Variants in CFAP43 observed in about 807,000 individuals in gnomAD.
CFAP43 encodes cilia and flagella associated protein 43, also known as cilia- and flagella-associated protein 43.
Under a neutral mutation model 218.9 loss-of-function variants are expected in CFAP43, and 155 were observed. The observed-to-expected ratio is 0.71, with a 90% confidence interval of 0.62 to 0.81. The LOEUF is 0.81. Among genes scored for constraint, CFAP43 ranks in the 30% least tolerant of loss-of-function variants. The pLI, the probability that CFAP43 is intolerant of heterozygous loss-of-function variation, is 0.00. For synonymous variants in CFAP43, 645 were observed against 681.3 expected, an observed-to-expected ratio of 0.95 and a Z score of 0.83; for missense variants, 1,778 against 1,954.3, an observed-to-expected ratio of 0.91 and a Z score of 1.70.
chr10:104,221,368 A>G (rs977025538), intron 3 of CFAP43, among the ~76,000 whole-genome samples: 3 of 152,110 alleles, frequency 2.0e-5, no homozygotes, highest in Admixed American at 6.6e-5. Context: ...CCTAACCCCA[A>G]TGGTGATGGT....
chr10:104,145,455 A>G (rs1461986349), intron 31 of CFAP43, 21 bp downstream of exon 31: 2 of 1,546,744 alleles, frequency 1.3e-6, no homozygotes, highest in Non-Finnish European at 8.9e-7. Flanking sequence ...TCAGAAACAC[A>G]ATAGTGAAGG....
In CFAP43 at chr10:104,225,488, G is replaced by A. The variant is rs1339816448; in HGVS notation, c.389C>T (p.Ser130Phe). The A allele has an allele frequency of 6.2e-7, 1 of 1,612,694 alleles. No homozygotes were observed. The highest frequency in any genetic ancestry group is 2.2e-5 in the East Asian group (1 of 44,776). ...AAGGGCCAGTTCAAATTCTGGGAGAGAGGAGTAACTAGCCAGGTAGGTGCC... is the reference window on the plus strand; with the variant it reads ...AAGGGCCAGTTCAAATTCTGGGAGAAAGGAGTAACTAGCCAGGTAGGTGCC... ...YCGTYLASYS[S>F]LPEFELALWN... Residue 130 changes from serine to phenylalanine, a missense_variant, in exon 3 of 38, where the codon TCT (serine) becomes TTT (phenylalanine). Ser to Phe is a radical substitution (Grantham distance 155, BLOSUM62 -2). Around this residue, in one of 3 missense-constraint regions of CFAP43, gnomAD observed 1,553 missense variants for 1,685.2 expected, o/e 0.92. Coordinates refer to ENST00000357060, the MANE Select transcript of CFAP43 (RefSeq NM_025145.7).
chr10:104,230,181 A>T (rs2091412390), intron 2 of CFAP43, among the ~76,000 whole-genome samples: 1 of 151,074 alleles, frequency 6.6e-6, no homozygotes, highest in African/African-American at 2.5e-5. Flanking sequence ...AAAAAAAAAA[A>T]TGGGGCCAGG....
chr10:104,179,189 C>CTAGAA lies in CFAP43; in HGVS notation c.2383-88_2383-84dup, dbSNP rs201412327. 3,384 of 1,205,184 alleles carry CTAGAA rather than the reference C, an allele frequency of 2.8e-3. 95 individuals are homozygous for CTAGAA. In the Admixed American group the frequency reaches 0.051, roughly 18 times the overall value. 74.7% of individuals were successfully genotyped at this position (1,205,184 alleles called of 1,614,324 possible). ...AGAGAGAGAGAGAGAGAGCAATTCT[C>CTAGAA]TAGAAACAGAAACTAAAATTTGTAA... On this transcript the variant is annotated intron_variant, in intron 18 of 37. Transcript: ENST00000357060.
intron 33 of CFAP43, among the ~76,000 whole-genome samples, 192 bp downstream of exon 33, chr10:104,142,089 G>A (rs949525007): frequency 4.6e-5 from 7 of 152,192 alleles, no homozygotes; most frequent in Non-Finnish European, 8.8e-5. Flanking sequence ...GCAACAAAAC[G>A]TGGGAAAGTT....
At chr10:104,214,042 CAT>C (rs2090942628) in intron 4 of CFAP43, among the ~76,000 whole-genome samples, 1 of 152,136 alleles carries the variant, frequency 6.6e-6, no homozygotes, top group Non-Finnish European at 1.5e-5. Flanking sequence ...GGAAACAAGT[CAT>C]AGAGAATTCT....
At chr10:104,166,741 C>A in intron 22 of CFAP43, 23 bp from the exon 23 acceptor site, 4 of 1,569,442 alleles carry the variant, frequency 2.5e-6, no homozygotes, top group Non-Finnish European at 3.5e-6. Context: ...AAAGATGACA[C>A]AGAAGTTATG....
chr10:104,199,470 T>C (rs943300472), intron 8 of CFAP43, among the ~76,000 whole-genome samples: 1 of 152,218 alleles, frequency 6.6e-6, no homozygotes, highest in Admixed American at 6.5e-5. Flanking sequence ...GTCACTGCTT[T>C]AGATGCTGGG....
At chr10:104,185,603 C>G (rs559024887) in intron 15 of CFAP43, among the ~76,000 whole-genome samples, 1 of 152,268 alleles carries the variant, frequency 6.6e-6, no homozygotes, top group East Asian at 1.9e-4. Context: ...CTGAAGGATG[C>G]TAACTAAGCC....
At chr10:104,203,310 CA>C (rs974970381) in intron 8 of CFAP43, 1 of 222,334 alleles carries the variant, frequency 4.5e-6, no homozygotes, top group African/African-American at 2.3e-5. Context: ...GGACATCAAG[CA>C]GGCAGAAATA....
intron 16 of CFAP43, among the ~76,000 whole-genome samples, chr10:104,183,718 T>G (rs1313176386): frequency 1.3e-5 from 2 of 152,206 alleles, no homozygotes; most frequent in South Asian, 4.1e-4. Flanking sequence ...CAGCTTTGTT[T>G]TGAGTCAGAA....
In CFAP43 at chr10:104,147,872, T is replaced by C. The variant is rs375720231; in HGVS notation, c.3768+19A>G. On this transcript the variant is annotated intron_variant, in intron 29 of 37. Coordinates refer to ENST00000357060, the MANE Select transcript of CFAP43 (RefSeq NM_025145.7). ...CTATCAGAAAATGCTTGTATTCAGA[T>C]TTCAGACACTATTCTTACTTTCTCG... 6.5e-7 allele frequency: 1 copy of C among 1,548,248 alleles called. No homozygotes were observed. The highest frequency in any genetic ancestry group is 1.4e-5 in the African/African-American group (1 of 72,584).
At chr10:104,171,485 C>T (rs1175193366) in intron 20 of CFAP43, among the ~76,000 whole-genome samples, 4 of 152,170 alleles carry the variant, frequency 2.6e-5, no homozygotes, top group African/African-American at 9.7e-5. Flanking sequence ...TGGTGGAAAC[C>T]TCCCTCCTAG....
rs572040753 is a variant in CFAP43 at position 104,201,365 on chromosome 10, GT to G, written c.1095+2306del. On this transcript the variant is annotated intron_variant, in intron 8 of 37. Transcript: ENST00000357060. ...ACATAGATTTTAATTTATGCTTTTT[GT>G]TTATCTCAATTGTTTTGCATTTCAT... Among the ~76,000 whole-genome samples the G allele has an allele frequency of 1.0e-3, 155 of 151,500 alleles. 4 individuals are homozygous for G. In the South Asian group the frequency reaches 0.032, roughly 31 times the overall value.
At chr10:104,222,960 A>G (rs2091221924) in intron 3 of CFAP43, among the ~76,000 whole-genome samples, 2 of 152,232 alleles carry the variant, frequency 1.3e-5, no homozygotes, top group African/African-American at 4.8e-5. Flanking sequence ...AAAGGACCAG[A>G]CAGTTAATCT....
At chr10:104,210,543 C>A (rs1302620466) in intron 5 of CFAP43, among the ~76,000 whole-genome samples, 4 of 151,818 alleles carry the variant, frequency 2.6e-5, no homozygotes, top group Non-Finnish European at 5.9e-5. Context: ...ATTTTTAACA[C>A]AAGGGTAAAG....
At chr10:104,174,539 G>A (rs1196558015) in intron 19 of CFAP43, among the ~76,000 whole-genome samples, 1 of 152,156 alleles carries the variant, frequency 6.6e-6, no homozygotes, top group Admixed American at 6.5e-5. Flanking sequence ...AATTCAAGAT[G>A]AGATTTGGGT....
At position 104,173,802 on chromosome 10, in the gene CFAP43, TA is replaced by T. The variant is rs556758655; in HGVS notation, c.2461-1268del. 2.2e-4 allele frequency among the ~76,000 whole-genome samples: 34 copies of T among 152,322 alleles called. No homozygotes were observed. In the South Asian group the frequency reaches 7.0e-3, roughly 32 times the overall value. ...AGACTGACCTGGTGTCATGGAACTA[TA>T]ACAGGGAGTTTCAATTATAAAGACA... On this transcript the variant is annotated intron_variant, in intron 19 of 37. Coordinates refer to ENST00000357060, the MANE Select transcript of CFAP43 (RefSeq NM_025145.7).
At chr10:104,227,033 T>C (rs934786450) in intron 2 of CFAP43, among the ~76,000 whole-genome samples, 1 of 152,076 alleles carries the variant, frequency 6.6e-6, no homozygotes, top group South Asian at 2.1e-4. Context: ...ATATATATAA[T>C]ATATGATAAT....
Sources: allele counts gnomAD v4.1 joint callset (sites outside exome capture counted in the v4.1 genomes callset), GRCh38; gene constraint gnomAD v4.1.1; regional missense constraint gnomAD v4.1.1; transcripts MANE v1.5; gene names NCBI Gene and HGNC (gene_info 2026-07-23, HGNC 2026-07-21).